FLNB: variants seen among roughly 807,000 people sequenced by gnomAD.
FLNB encodes filamin B.
Under a neutral mutation model 250.6 loss-of-function variants are expected in FLNB, and 111 were observed. The observed-to-expected ratio is 0.44, with a 90% CI of 0.38 to 0.52. FLNB has a LOEUF of 0.52. FLNB is among the 20% of genes least tolerant of loss of function. The probability of loss-of-function intolerance (pLI) is 0.00; values close to 1 mark genes in which losing one functional copy is unlikely to be tolerated. For synonymous variants in FLNB, 1,302 were observed against 1,372.1 expected, an observed-to-expected ratio of 0.95 and a Z score of 1.13; for missense variants, 2,869 against 3,447.8, an observed-to-expected ratio of 0.83 and a Z score of 4.20.
chr3:58,105,277 T>C, intron 11 of FLNB, 61 bp downstream of exon 11: 1 of 1,608,732 alleles, frequency 6.2e-7, no homozygotes, highest in Non-Finnish European at 8.5e-7. Context: ...GCTTCCGGGC[T>C]GTGTCAGGCT....
intron 10 of FLNB, 67 bp from the exon 11 acceptor site, chr3:58,105,013 A>G: frequency 6.2e-7 from 1 of 1,601,932 alleles, no homozygotes; most frequent in South Asian, 1.1e-5. Context: ...AAGGAACTGC[A>G]GCTTATGGCT....
chr3:58,073,972 C>T (rs2097198274), intron 1 of FLNB, among the ~76,000 whole-genome samples: 1 of 152,202 alleles, frequency 6.6e-6, no homozygotes, highest in African/African-American at 2.4e-5. Flanking sequence ...AATCTGTCTC[C>T]TGTCTGCTAA....
In FLNB at chr3:58,134,598, G is replaced by A. The variant is rs772872002; in HGVS notation, c.4515-18G>A. ...TGTATCTTTATTGACTAGGGTGTGTGTGTGTGTGTCTATCAAGTCCCTTCA... is the reference window on the plus strand; with the variant it reads ...TGTATCTTTATTGACTAGGGTGTGTATGTGTGTGTCTATCAAGTCCCTTCA... On this transcript the variant is annotated intron_variant, in intron 26 of 45. Transcript: ENST00000295956. The A allele has an allele frequency of 1.2e-6, 2 of 1,609,868 alleles. No individual in the cohort carries two copies. The highest frequency in any genetic ancestry group is 3.3e-5 in the Admixed American group (2 of 59,986).
intron 1 of FLNB, among the ~76,000 whole-genome samples, chr3:58,037,150 C>T (rs1394109153): frequency 2.7e-5 from 4 of 150,754 alleles, no homozygotes; most frequent in Admixed American, 1.3e-4. Context: ...CTGCAACCTC[C>T]GTCTCCAGAG....
Position 58,149,274 on chromosome 3 carries a change from T to A in FLNB, c.6091+422T>A, listed in dbSNP as rs1291734869. The A allele has an allele frequency of 2.1e-5, 6 of 280,968 alleles. No homozygotes were observed. In the East Asian group the frequency reaches 5.4e-4, roughly 25 times the overall value. The allele number at this position is 280,968 out of a possible 1,614,324, so 17.4% of individuals were successfully genotyped here. ...TCTTTCTGTTTTCTCTTTGAGATGG[T>A]TTGAGTTAGATTGTGTCTCTTCCAA... On this transcript the variant is annotated intron_variant, in intron 36 of 45. Transcript: ENST00000295956.
rs2097294095 is a variant in FLNB at position 58,124,333 on chromosome 3, T to A, written c.3726T>A (p.Asp1242Glu). ...GTTAGCTATGTGCTTGCTCTGCAGA[T>A]GTGTTCCGGGAAGCTACCACCGACT... ...KVFGPGIEGK[D>E]VFREATTDFT... The change falls in exon 22 of 46, where the codon GAT (aspartate) becomes GAA (glutamate). Residue 1242 changes from aspartate (D) to glutamate (E), a missense_variant and splice_region_variant. Asp to Glu is a conservative substitution (Grantham distance 45). This residue lies in a region of FLNB where 1,348 missense variants were observed against 1,466.7 expected (regional missense o/e 0.92). Coordinates refer to ENST00000295956, the MANE Select transcript of FLNB (RefSeq NM_001457.4). 1 of 1,614,080 alleles carries A rather than the reference T, an allele frequency of 6.2e-7. No individual in the cohort carries two copies. The highest frequency in any genetic ancestry group is 1.1e-5 in the South Asian group (1 of 91,082).
At chr3:58,099,069 T>TATATTA (rs1184368776) in intron 8 of FLNB, among the ~76,000 whole-genome samples, 161 bp downstream of exon 8, 1 of 152,174 alleles carries the variant, frequency 6.6e-6, no homozygotes, top group Non-Finnish European at 1.5e-5. Flanking sequence ...TTGTCCTCAA[T>TATATTA]ATATTAATAT....
intron 3 of FLNB, among the ~76,000 whole-genome samples, chr3:58,080,860 C>T (rs1414092640): frequency 6.6e-6 from 1 of 150,816 alleles, no homozygotes; most frequent in Admixed American, 6.6e-5. Context: ...GTGGCATGAT[C>T]TCGGTTCACT....
intron 43 of FLNB, chr3:58,163,660 G>A (rs1034401284): frequency 4.8e-5 from 17 of 352,268 alleles, no homozygotes; most frequent in South Asian, 5.5e-5. Flanking sequence ...AATTTTGAGG[G>A]TTTCTTTGCC....
At chr3:58,167,089 C>T (rs2097371957) in intron 43 of FLNB, among the ~76,000 whole-genome samples, 1 of 152,208 alleles carries the variant, frequency 6.6e-6, no homozygotes, top group East Asian at 1.9e-4. Flanking sequence ...GATCATGGTA[C>T]TGCACTCCAG....
intron 32 of FLNB, among the ~76,000 whole-genome samples, chr3:58,144,309 C>T (rs1285560792): frequency 2.6e-5 from 4 of 151,862 alleles, no homozygotes; most frequent in Non-Finnish European, 5.9e-5. Context: ...ACAGATTGGT[C>T]TCAAACTCCT....
intron 4 of FLNB, 113 bp from the exon 5 acceptor site, chr3:58,094,723 G>A: frequency 1.1e-6 from 1 of 881,634 alleles, no homozygotes; most frequent in Admixed American, 1.7e-5. Context: ...TTTCCCACAT[G>A]GGATCTGCAG....
intron 20 of FLNB, among the ~76,000 whole-genome samples, chr3:58,122,168 CAAAA>C (rs546747097): frequency 3.0e-5 from 2 of 65,878 alleles, no homozygotes; most frequent in African/African-American, 5.5e-5. Flanking sequence ...GACTCCGTCT[CAAAA>C]AAAAAAAAAA....
intron 42 of FLNB, 83 bp from the exon 43 acceptor site, chr3:58,163,071 C>T: frequency 4.3e-6 from 6 of 1,382,484 alleles, no homozygotes; most frequent in Non-Finnish European, 6.2e-6. Flanking sequence ...GCCATCTCAG[C>T]TTGGCCTCCA....
intron 1 of FLNB, among the ~76,000 whole-genome samples, chr3:58,040,227 T>A (rs572209437): frequency 3.3e-5 from 5 of 152,290 alleles, no homozygotes; most frequent in Admixed American, 3.3e-4. Context: ...GATTAGTGTT[T>A]GTTGAATAAT....
In FLNB at chr3:58,123,535, A is replaced by G. The variant is rs775024838; in HGVS notation, c.3569A>G (p.Tyr1190Cys). ...ATTCAGAACAACAAAGATGGCACCT[A>G]CGCGGTGACCTACGTGCCCCTGACG... ...VSIQNNKDGT[Y>C]AVTYVPLTAG... Residue 1190 changes from tyrosine to cysteine, a missense_variant, in exon 21 of 46, where the codon TAC (tyrosine) becomes TGC (cysteine). Around this residue, in one of 5 missense-constraint regions of FLNB, gnomAD observed 1,348 missense variants for 1,466.7 expected, o/e 0.92. Coordinates refer to ENST00000295956, the MANE Select transcript of FLNB (RefSeq NM_001457.4). 3 of 1,608,090 alleles carry G rather than the reference A, an allele frequency of 1.9e-6. No homozygotes were observed. The highest frequency in any genetic ancestry group is 2.5e-6 in the Non-Finnish European group (3 of 1,177,020).
Position 58,148,838 on chromosome 3 carries a change from A to C in FLNB, c.6077A>C (p.Asp2026Ala). 1 of 1,612,898 alleles carries C rather than the reference A, an allele frequency of 6.2e-7. No homozygotes were observed. Among genetic ancestry groups the C allele is most frequent in the Non-Finnish European group, 8.5e-7 (1 of 1,180,008 alleles). The change falls in exon 36 of 46, where the codon GAC (aspartate) becomes GCC (alanine). Residue 2026 changes from aspartate to alanine, a missense_variant. Transcript: ENST00000295956. ...TTCGAGATGTCTGACTTCATCGTGG[A>C]CACAAGGGATGCAGGTCTGTGTGGT... ...RTFEMSDFIV[D>A]TRDAGYGGIS...
chr3:58,017,675 T>C (rs1379578747), intron 1 of FLNB, among the ~76,000 whole-genome samples: 2 of 152,192 alleles, frequency 1.3e-5, no homozygotes, highest in Admixed American at 6.5e-5. Flanking sequence ...TGATAAACTG[T>C]AGATGGTTGT....
chr3:58,124,749 A>G (rs923799483), intron 22 of FLNB, among the ~76,000 whole-genome samples: 2 of 152,174 alleles, frequency 1.3e-5, no homozygotes, highest in Non-Finnish European at 2.9e-5. Context: ...TTATGGGGTA[A>G]TGTCATGATG....
Sources: allele counts gnomAD v4.1 joint callset (sites outside exome capture counted in the v4.1 genomes callset), GRCh38; gene constraint gnomAD v4.1.1; regional missense constraint gnomAD v4.1.1; transcripts MANE v1.5; gene names NCBI Gene and HGNC (gene_info 2026-07-23, HGNC 2026-07-21).